The following DSCAML1 variants were observed in gnomAD, a reference collection of about 807,000 sequenced individuals.
DSCAML1 encodes DS cell adhesion molecule like 1.
In DSCAML1, 38 loss-of-function variants were observed where a neutral mutation model predicts 200.5. The observed-to-expected ratio is 0.19, with a 90% CI of 0.15 to 0.25. The LOEUF is 0.25. Among genes scored for constraint, DSCAML1 ranks in the 10% least tolerant of loss-of-function variants. DSCAML1 has a pLI of 1.00. For missense variants in DSCAML1, 2,223 were observed against 2,858.8 expected, an observed-to-expected ratio of 0.78 and a Z score of 5.07; for synonymous variants, 1,215 against 1,165.0, an observed-to-expected ratio of 1.04 and a Z score of -0.87.
Position 117,492,518 on chromosome 11 carries a change from C to T in DSCAML1, c.2360-10356G>A, listed in dbSNP as rs905666679. 7.9e-5 allele frequency among the ~76,000 whole-genome samples: 12 copies of T among 152,286 alleles called. No individual in the cohort carries two copies. The East Asian group carries it at 1.7e-3, about 22-fold the overall frequency. The stretch of plus-strand genomic sequence containing the variant: ...GAGCCCGTGTGTTCAAGGCTCGGAT[C>T]GCCTTTTGTTTCTGAAAGGATTACA... On this transcript the variant is annotated intron_variant, in intron 11 of 32. Coordinates refer to ENST00000651296, the MANE Select transcript of DSCAML1 (RefSeq NM_020693.4).
chr11:117,496,927 A>G (rs2049299568), intron 11 of DSCAML1, among the ~76,000 whole-genome samples: 1 of 152,204 alleles, frequency 6.6e-6, no homozygotes, highest in African/African-American at 2.4e-5. Flanking sequence ...CTTTGGGGTT[A>G]GGTTTGGGAT....
chr11:117,481,594 T>G (rs1364395817), intron 12 of DSCAML1, among the ~76,000 whole-genome samples: 90 of 9,582 alleles, frequency 9.4e-3, no homozygotes, highest in Admixed American at 0.015. Context: ...GAGGGGGGGG[T>G]CCAGGAGAGT....
intron 3 of DSCAML1, among the ~76,000 whole-genome samples, chr11:117,553,383 A>C (rs2050501851): frequency 6.6e-6 from 1 of 152,246 alleles, no homozygotes; most frequent in Non-Finnish European, 1.5e-5. Context: ...TGCAAATCAT[A>C]TCTCTGATAA....
intron 14 of DSCAML1, among the ~76,000 whole-genome samples, chr11:117,473,952 C>T (rs967040880): frequency 1.3e-5 from 2 of 151,916 alleles, no homozygotes; most frequent in Non-Finnish European, 2.9e-5. Context: ...TGGGAGCTGG[C>T]GCCAGCTCAT....
At chr11:117,698,789 A>C (rs2053623627) in intron 3 of DSCAML1, among the ~76,000 whole-genome samples, 1 of 152,128 alleles carries the variant, frequency 6.6e-6, no homozygotes, top group South Asian at 2.1e-4. Flanking sequence ...TGTTTTTAGA[A>C]ACCCTGACCC....
rs199908643 is a variant in DSCAML1 at position 117,599,437 on chromosome 11, CT to C, written c.512-66916del. Reference sequence around the variant, plus strand: ...TATGGAATAGACACTTCGAAATCTTCTAATGTTGGACACTTTTCTTTTGAGT... The same window carrying C: ...TATGGAATAGACACTTCGAAATCTTCAATGTTGGACACTTTTCTTTTGAGT... On this transcript the variant is annotated intron_variant, in intron 3 of 32. Transcript: ENST00000651296. Among the ~76,000 whole-genome samples, 1,507 of 152,324 alleles carry C rather than the reference CT, an allele frequency of 9.9e-3. 32 individuals carry two copies. Among genetic ancestry groups the C allele is most frequent in the African/African-American group, 0.033 (1,381 of 41,556 alleles).
chr11:117,746,264 T>C (rs2054516819), intron 3 of DSCAML1, among the ~76,000 whole-genome samples: 1 of 147,220 alleles, frequency 6.8e-6, no homozygotes, highest in Non-Finnish European at 1.5e-5. Flanking sequence ...CACATAGTGC[T>C]ATATAAGTGA....
intron 3 of DSCAML1, among the ~76,000 whole-genome samples, chr11:117,592,351 ACT>A: frequency 6.6e-6 from 1 of 152,118 alleles, no homozygotes; most frequent in East Asian, 1.9e-4. Flanking sequence ...TTGAGCTCAC[ACT>A]GTCTTCACTC....
At chr11:117,787,329 T>C in intron 1 of DSCAML1, among the ~76,000 whole-genome samples, 1 of 152,242 alleles carries the variant, frequency 6.6e-6, no homozygotes, top group East Asian at 1.9e-4. Flanking sequence ...TGGCTGTTGT[T>C]ACAAGCATTA....
chr11:117,498,452 T>G lies in DSCAML1; in HGVS notation c.2359+5393A>C, dbSNP rs546258736. ...CCTGGACTGTGGTCTAGAAAGGGAT[T>G]TGTGGGCTCTGAGCAGCCATTTTCT... On this transcript the variant is annotated intron_variant, in intron 11 of 32. Transcript: ENST00000651296. The surrounding 1 kb of genome is among the most constrained non-coding windows in gnomAD (Gnocchi z 4.0). Among the ~76,000 whole-genome samples, 190 of 152,182 alleles carry G rather than the reference T, an allele frequency of 1.2e-3. 3 individuals carry two copies. Among genetic ancestry groups the G allele is most frequent in the East Asian group, 5.8e-4 (3 of 5,164 alleles).
chr11:117,674,560 G>A (rs1012679963), intron 3 of DSCAML1, among the ~76,000 whole-genome samples: 8 of 152,130 alleles, frequency 5.3e-5, no homozygotes, highest in African/African-American at 1.7e-4. Context: ...GATATTGATG[G>A]GATATTTGTC....
At chr11:117,803,882 C>A (rs189007013) in intron 1 of DSCAML1, among the ~76,000 whole-genome samples, 8 of 152,362 alleles carry the variant, frequency 5.3e-5, no homozygotes, top group African/African-American at 1.9e-4. Flanking sequence ...GAAAGTCTGC[C>A]CATTTCACCA....
At chr11:117,738,055 A>T (rs1213629116) in intron 3 of DSCAML1, among the ~76,000 whole-genome samples, 1 of 152,186 alleles carries the variant, frequency 6.6e-6, no homozygotes, top group Non-Finnish European at 1.5e-5. Context: ...GTGAAAGATG[A>T]TGACTGCCTG....
chr11:117,459,764 G>A (rs919692257), intron 18 of DSCAML1, among the ~76,000 whole-genome samples: 1 of 152,246 alleles, frequency 6.6e-6, no homozygotes, highest in Non-Finnish European at 1.5e-5. Context: ...GTCCAGCAAC[G>A]GGCTGAGGAC....
At chr11:117,614,912 C>T (rs891585416) in intron 3 of DSCAML1, among the ~76,000 whole-genome samples, 2 of 152,206 alleles carry the variant, frequency 1.3e-5, no homozygotes, top group African/African-American at 4.8e-5. Flanking sequence ...GGCAGCCTGA[C>T]CTGAGGCTGA....
At chr11:117,519,549 G>A (rs1263580551) in intron 6 of DSCAML1, among the ~76,000 whole-genome samples, 2 of 152,220 alleles carry the variant, frequency 1.3e-5, no homozygotes, top group African/African-American at 4.8e-5. Flanking sequence ...GCCAGCCACG[G>A]TTGCTTATGC....
intron 3 of DSCAML1, among the ~76,000 whole-genome samples, chr11:117,585,961 C>T (rs997682801): frequency 3.9e-5 from 6 of 152,156 alleles, no homozygotes; most frequent in African/African-American, 7.2e-5. Context: ...CTGATTCACC[C>T]GGGATCTGCA....
rs527533395 is a variant in DSCAML1, at chr11:117,437,242, C to G, written c.4600G>C (p.Gly1534Arg). 263 of 1,614,232 alleles carry G rather than the reference C, an allele frequency of 1.6e-4. 3 individuals are homozygous for G. The South Asian group carries it at 2.7e-3, about 17-fold the overall frequency. The change falls in exon 26 of 33, where the codon GGG becomes CGG. Residue 1534 changes from glycine (G) to arginine (R), a missense_variant. Around this residue, in one of 7 missense-constraint regions of DSCAML1, gnomAD observed 614 missense variants for 739.1 expected, o/e 0.83. Coordinates refer to ENST00000651296, the MANE Select transcript of DSCAML1 (RefSeq NM_020693.4). This position sits in a 1 kb window ranked among gnomAD's most constrained non-coding sequence, Gnocchi z 5.3. ...CGCAGTTCCGTCAGAAACACCTCCC[C>G]GGAGCTGTTGGCCCGGAGGCCCTGC... The part of the protein sequence containing the change: ...AWQGLRANSS[G>R]EVFLTELREA...
chr11:117,609,466 C>T (rs2051644009), intron 3 of DSCAML1, among the ~76,000 whole-genome samples: 1 of 151,860 alleles, frequency 6.6e-6, no homozygotes, highest in South Asian at 2.1e-4. Flanking sequence ...CACCACCAGA[C>T]CTGGCTAATT....
Sources: gnomAD v4.1 joint callset for allele counts (sites outside exome capture counted in the v4.1 genomes callset) on GRCh38, gnomAD v4.1.1 for gene constraint, gnomAD v4.1.1 regional missense constraint, Gnocchi (gnomAD v3.1) non-coding constraint, MANE v1.5 for transcripts, NCBI Gene and HGNC (gene_info 2026-07-23, HGNC 2026-07-21) for gene names.